The following CENATAC variants were observed in gnomAD, a reference collection of about 807,000 sequenced individuals.
CENATAC encodes the protein centrosomal AT-AC splicing factor, also known as coiled-coil domain containing 84.
Under a neutral mutation model 53.7 loss-of-function variants are expected in CENATAC, and 53 were observed. The ratio of observed to expected loss-of-function variants is 0.99; its 90% confidence interval spans 0.79 to 1.24. CENATAC has a LOEUF of 1.24. Ranked by LOEUF, CENATAC falls within the 50% of genes most tolerant of loss-of-function variation. The pLI is 0.00. For missense variants in CENATAC, 474 were observed against 417.8 expected (o/e 1.13, Z -1.17); for synonymous variants, 156 against 144.6 (o/e 1.08, Z -0.57).
In CENATAC at chr11:119,011,266, G is replaced by C. The variant is rs782655675; in HGVS notation, c.496G>C (p.Val166Leu). The C allele has an allele frequency of 1.2e-5, 19 of 1,614,044 alleles. No homozygotes were observed. The highest frequency in any genetic ancestry group is 1.6e-5 in the Non-Finnish European group (19 of 1,180,000). ...GGTGGAGCAGAGCCGACAGGAGGTG[G>C]TTCGGTCTGTCTTAGAGGTTGGTTT... ...REVEQSRQEV[V>L]RSVLEPQAVP... The change falls in exon 5 of 11, where the codon GTT (valine) becomes CTT (leucine). Residue 166 changes from valine (V) to leucine (L), a missense_variant. Coordinates refer to ENST00000334418, the MANE Select transcript of CENATAC (RefSeq NM_198489.3).
chr11:119,015,456 C>G lies in CENATAC; in HGVS notation c.938+17C>G. On this transcript the variant is annotated intron_variant, in intron 10 of 10. Coordinates refer to ENST00000334418, the MANE Select transcript of CENATAC (RefSeq NM_198489.3). ...GCAGTCCAGGTATGTGTGTTCAGTGCCGGGTCTCCAACCTACCCATCCAAC... is the reference window on the plus strand; with the variant it reads ...GCAGTCCAGGTATGTGTGTTCAGTGGCGGGTCTCCAACCTACCCATCCAAC... 6.2e-7 allele frequency: 1 copy of G among 1,613,822 alleles called. No individual in the cohort carries two copies. The highest frequency in any genetic ancestry group is 8.5e-7 in the Non-Finnish European group (1 of 1,179,768).
At chr11:119,002,242 A>G (rs907882397) in intron 3 of CENATAC, among the ~76,000 whole-genome samples, 10 of 151,300 alleles carry the variant, frequency 6.6e-5, no homozygotes, top group Admixed American at 2.0e-4. Flanking sequence ...AAAAAAAAAA[A>G]AAAAAAGAAA....
At position 119,015,312 on chromosome 11, in the gene CENATAC, A is replaced by G. The variant is rs1008873254; in HGVS notation, c.811A>G (p.Lys271Glu). 1 of 1,611,182 alleles carries G rather than the reference A, an allele frequency of 6.2e-7. No individual in the cohort carries two copies. Among genetic ancestry groups the G allele is most frequent in the African/African-American group, 1.3e-5 (1 of 74,726 alleles). The change falls in exon 10 of 11, where the codon AAA becomes GAA. Residue 271 changes from lysine (K) to glutamate (E), a missense_variant. Physicochemically the swap from Lys to Glu is moderately conservative, Grantham distance 56. Coordinates refer to ENST00000334418, the MANE Select transcript of CENATAC (RefSeq NM_198489.3). Reference sequence around the variant, plus strand: ...GTTTCCCTATCATTGTACAGAGGAAAAACAGAAGTTGAAAAAACTCCCCCC... The same window carrying G: ...GTTTCCCTATCATTGTACAGAGGAAGAACAGAAGTTGAAAAAACTCCCCCC... ...SYEEFLKEKE[K>E]QKLKKLPPDR...
chr11:119,015,223 T>G (rs1334026667), intron 9 of CENATAC, 84 bp from the exon 10 acceptor site: 7 of 1,500,870 alleles, frequency 4.7e-6, no homozygotes, highest in Non-Finnish European at 6.3e-6. Context: ...CCCAGAAGTT[T>G]GAAAACAGCC....
At chr11:119,014,903 T>C in intron 8 of CENATAC, 91 bp from the exon 9 acceptor site, 4 of 840,948 alleles carry the variant, frequency 4.8e-6, no homozygotes, top group Non-Finnish European at 7.4e-6. Flanking sequence ...TTCTAGCTCT[T>C]AATGAGGAGA....
Position 118,998,439 on chromosome 11 carries a change from G to C in CENATAC, c.130G>C (p.Ala44Pro). 2.5e-6 allele frequency: 4 copies of C among 1,611,988 alleles called. No homozygotes were observed. The highest frequency in any genetic ancestry group is 3.4e-6 in the Non-Finnish European group (4 of 1,179,732). Residue 44 changes from alanine to proline, a missense_variant, in exon 2 of 11, where the codon GCC (alanine) becomes CCC (proline). Ala to Pro is a conservative substitution (Grantham distance 27). Transcript: ENST00000334418. ...LERLLPQVEA[A>P]RKAIRAAQVE... ...GGCCTCTCTGCGGCAGGTGGAGGCG[G>C]CCCGCAAGGCCATCCGCGCCGCTCA...
intron 3 of CENATAC, chr11:119,004,665 A>G: frequency 6.5e-6 from 1 of 153,458 alleles, no homozygotes; most frequent in Non-Finnish European, 1.5e-5. Context: ...GGATCACCTG[A>G]GCCTGAGGGA....
At chr11:119,015,263 A>G (rs781960597) in intron 9 of CENATAC, 44 bp from the exon 10 acceptor site, 2 of 1,562,668 alleles carry the variant, frequency 1.3e-6, no homozygotes, top group Non-Finnish European at 1.7e-6. Context: ...CCATCTCTAT[A>G]TTCTTCAATA....
At chr11:119,007,309 A>G (rs1238722255) in intron 3 of CENATAC, among the ~76,000 whole-genome samples, 1 of 151,870 alleles carries the variant, frequency 6.6e-6, no homozygotes, top group African/African-American at 2.4e-5. Context: ...TCAGCCTGCT[A>G]AGTAGGTGGG....
chr11:119,003,658 C>T (rs909171398), intron 3 of CENATAC: 6 of 149,588 alleles, frequency 4.0e-5, no homozygotes, highest in African/African-American at 1.6e-4. Flanking sequence ...GAGTCTTGTT[C>T]TGTTGCCCAG....
chr11:119,002,722 T>C (rs938313344), intron 3 of CENATAC, among the ~76,000 whole-genome samples: 3 of 151,376 alleles, frequency 2.0e-5, no homozygotes, highest in Non-Finnish European at 2.9e-5. Context: ...GGAATTATAC[T>C]GTAACAGGCA....
rs980634385 is a variant in CENATAC, at chr11:119,006,639, G to T, written c.384-4125G>T. 4.6e-5 allele frequency among the ~76,000 whole-genome samples: 7 copies of T among 152,232 alleles called. No individual in the cohort carries two copies. In the South Asian group the frequency reaches 1.4e-3, roughly 31 times the overall value. ...CCGCCTCGGCCTCCCAAAGTACTGG[G>T]ATTACAGGCGTGAGCCACTGCGCCT... On this transcript the variant is annotated intron_variant, in intron 3 of 10. Transcript: ENST00000334418.
intron 3 of CENATAC, among the ~76,000 whole-genome samples, chr11:119,006,469 C>T (rs917872238): frequency 5.5e-4 from 83 of 152,282 alleles, no homozygotes; most frequent in African/African-American, 1.8e-3. Flanking sequence ...ATCTCCTGAC[C>T]TCGTGATCCG....
At chr11:119,013,093 G>T in intron 7 of CENATAC, 139 bp from the exon 8 acceptor site, 3 of 634,722 alleles carry the variant, frequency 4.7e-6, no homozygotes, top group Non-Finnish European at 5.6e-6. Flanking sequence ...TTTAACATCA[G>T]CTGGGGTGCA....
rs150323701 is a variant in CENATAC, at chr11:119,015,415, A to G, written c.914A>G (p.Asn305Ser). 1.7e-4 allele frequency: 279 copies of G among 1,614,184 alleles called. 3 individuals are homozygous for G. The South Asian group carries it at 2.9e-3, about 17-fold the overall frequency. Residue 305 changes from asparagine (N) to serine (S), a missense_variant, in exon 10 of 11, where the codon AAT becomes AGT. By Grantham distance (46) the Asn-to-Ser change is conservative. Coordinates refer to ENST00000334418, the MANE Select transcript of CENATAC (RefSeq NM_198489.3). Reference protein sequence around the residue: ...GWLPSFGRVWNNGRRWQSRHQ... With the variant: ...GWLPSFGRVWSNGRRWQSRHQ... ...CTGCCCTCTTTTGGCCGCGTCTGGA[A>G]TAATGGACGCCGCTGGCAGTCCAGG...
At chr11:119,004,569 AGG>A (rs1942481626) in intron 3 of CENATAC, 2 of 152,126 alleles carry the variant, frequency 1.3e-5, no homozygotes, top group Non-Finnish European at 2.9e-5. Flanking sequence ...TTTAATAAAA[AGG>A]GTATCTGGAT....
intron 3 of CENATAC, 65 bp from the exon 4 acceptor site, chr11:119,010,699 G>A: frequency 2.2e-6 from 3 of 1,378,708 alleles, no homozygotes; most frequent in Non-Finnish European, 3.1e-6. Flanking sequence ...AATATCTACT[G>A]AGGAGCTTTT....
intron 7 of CENATAC, chr11:119,012,894 T>C (rs1197819228): frequency 4.0e-6 from 1 of 250,938 alleles, no homozygotes; most frequent in African/African-American, 2.2e-5. Flanking sequence ...TGTAGCACCA[T>C]GTAAAGTTGC....
rs377095379 is a variant in CENATAC at position 118,999,439 on chromosome 11, A to T, written c.383+330A>T. The T allele has an allele frequency of 4.0e-5, 9 of 222,620 alleles. No individual in the cohort carries two copies. In the South Asian group the frequency reaches 4.8e-4, roughly 12 times the overall value. 13.8% of individuals were successfully genotyped at this position (222,620 alleles called of 1,614,324 possible). On this transcript the variant is annotated intron_variant, in intron 3 of 10. Transcript: ENST00000334418. ...GCTGCTCAGCCAGTACCTACTTTTA[A>T]TAGTTTTGGACTCTATTTTATTTTA...
Sources: allele counts gnomAD v4.1 joint callset (sites outside exome capture counted in the v4.1 genomes callset), GRCh38; gene constraint gnomAD v4.1.1; transcripts MANE v1.5; gene names NCBI Gene and HGNC (gene_info 2026-07-23, HGNC 2026-07-21).